SLC38A10: variants seen among roughly 807,000 people sequenced by gnomAD.
SLC38A10 encodes the protein solute carrier family 38 member 10.
A neutral mutation model predicts 81.0 loss-of-function variants in SLC38A10; 53 were observed. The ratio of observed to expected loss-of-function variants is 0.65; its 90% CI spans 0.53 to 0.82. SLC38A10 has a LOEUF of 0.82. Ranked by LOEUF, SLC38A10 falls within the 40% of genes least tolerant of loss-of-function variation. The probability of loss-of-function intolerance (pLI) is 0.00; values close to 1 mark genes in which losing one functional copy is unlikely to be tolerated. For synonymous variants in SLC38A10, 665 were observed against 655.3 expected, an observed-to-expected ratio of 1.01 and a Z score of -0.23; for missense variants, 1,471 against 1,545.0, an observed-to-expected ratio of 0.95 and a Z score of 0.80.
intron 6 of SLC38A10, 119 bp downstream of exon 6, chr17:81,280,490 T>A: frequency 6.9e-7 from 1 of 1,449,782 alleles, no homozygotes; most frequent in South Asian, 1.4e-5. Context: ...GAACAAGACA[T>A]CACTCTTTAG....
At position 81,246,400 on chromosome 17, in the gene SLC38A10, T is replaced by A. The variant is rs1237427551; in HGVS notation, c.2516A>T (p.Asp839Val). 1 of 1,600,676 alleles carries A rather than the reference T, an allele frequency of 6.2e-7. No individual in the cohort carries two copies. Among genetic ancestry groups the A allele is most frequent in the South Asian group, 1.1e-5 (1 of 90,326 alleles). Residue 839 changes from aspartate (D) to valine (V), a missense_variant, in exon 16 of 16, where the codon GAT becomes GTT. Physicochemically the swap from Asp to Val is radical, Grantham distance 152 (BLOSUM62 -3). Transcript: ENST00000374759. ...AGTGCCAGCTGCCCTGGGGGCGGCA[T>A]CCTTCTGGCCATCTCTCAGCTTGGC... ...AQAKLRDGQKDAAPRAAGTVK... is the reference protein window; with the variant it reads ...AQAKLRDGQKVAAPRAAGTVK...
intron 11 of SLC38A10, among the ~76,000 whole-genome samples, chr17:81,257,614 G>A (rs1439376954): frequency 6.6e-6 from 1 of 152,216 alleles, no homozygotes; most frequent in Non-Finnish European, 1.5e-5. Context: ...TCCACGCATG[G>A]GGGCTGTGTG....
intron 10 of SLC38A10, among the ~76,000 whole-genome samples, chr17:81,261,548 C>T (rs774516747): frequency 6.6e-6 from 1 of 152,230 alleles, no homozygotes; most frequent in Non-Finnish European, 1.5e-5. Context: ...CTCCCTGGTC[C>T]AATACAATTA....
intron 11 of SLC38A10, among the ~76,000 whole-genome samples, chr17:81,259,944 C>A (rs1471968726): frequency 2.0e-5 from 3 of 152,222 alleles, no homozygotes; most frequent in South Asian, 4.1e-4. Flanking sequence ...GAAACGTACA[C>A]CCCACCTAGC....
At chr17:81,252,074 A>G in intron 13 of SLC38A10, 121 bp downstream of exon 13, 1 of 1,372,276 alleles carries the variant, frequency 7.3e-7, no homozygotes, top group Non-Finnish European at 9.7e-7. Context: ...TTTGCATGCT[A>G]ATCTGGTGCA....
rs559503493 is a variant in SLC38A10 at position 81,277,558 on chromosome 17, T to C, written c.627-425A>G. On this transcript the variant is annotated intron_variant, in intron 6 of 15. Coordinates refer to ENST00000374759, the MANE Select transcript of SLC38A10 (RefSeq NM_001037984.3). This position sits in a 1 kb window ranked among gnomAD's most constrained non-coding sequence, Gnocchi z 4.5. ...ATCTCGGCGCCTCCATCTCGGCGCCTCCGCACAGGCATGATCAGAGTCGGC... is the reference window on the plus strand; with the variant it reads ...ATCTCGGCGCCTCCATCTCGGCGCCCCCGCACAGGCATGATCAGAGTCGGC... Among the ~76,000 whole-genome samples, 1 of 152,298 alleles carries C rather than the reference T, an allele frequency of 6.6e-6. No individual in the cohort carries two copies. Among genetic ancestry groups the C allele is most frequent in the African/African-American group, 2.4e-5 (1 of 41,568 alleles).
chr17:81,267,775 C>G (rs1345586947), intron 10 of SLC38A10, among the ~76,000 whole-genome samples: 1 of 152,050 alleles, frequency 6.6e-6, no homozygotes, highest in Non-Finnish European at 1.5e-5. Context: ...GTAAACAGCT[C>G]TGTCAGCTCA....
rs1406405137 is a variant in SLC38A10 at position 81,295,069 on chromosome 17, T to A, written c.-148A>T. 3.1e-6 allele frequency: 4 copies of A among 1,274,816 alleles called. No individual in the cohort carries two copies. The highest frequency in any genetic ancestry group is 4.0e-6 in the Non-Finnish European group (4 of 1,005,724). The allele number at this position is 1,274,816 out of a possible 1,614,324, so 79.0% of individuals were successfully genotyped here. On this transcript the variant is annotated 5_prime_UTR_variant, in exon 1 of 16. Coordinates refer to ENST00000374759, the MANE Select transcript of SLC38A10 (RefSeq NM_001037984.3). ...GATGGGCAGCCTGAACACGGGAGCC[T>A]GAGCAGGCGCGGGCGCGGGCCCCAG...
chr17:81,279,257 T>C (rs1165678052), intron 6 of SLC38A10, among the ~76,000 whole-genome samples: 3 of 152,210 alleles, frequency 2.0e-5, no homozygotes, highest in Admixed American at 1.3e-4. Context: ...ACAACCATTC[T>C]GCATAACCAG....
chr17:81,295,119 G>C lies in SLC38A10; in HGVS notation c.-198C>G, dbSNP rs1312491212. 27 of 977,990 alleles carry C rather than the reference G, an allele frequency of 2.8e-5. No individual in the cohort carries two copies. The highest frequency in any genetic ancestry group is 3.4e-5 in the Non-Finnish European group (26 of 766,166). 60.6% of individuals were successfully genotyped at this position (977,990 alleles called of 1,614,324 possible). A position where few individuals can be genotyped will look rare whatever the true frequency, so the allele number is the denominator to read the frequency against. On this transcript the variant is annotated 5_prime_UTR_variant, in exon 1 of 16. Transcript: ENST00000374759. ...GAGGCTGCCTGGAGGAGGCAGCCTC[G>C]AAGGCCGGCTGCGGGGGCGAGGTCA...
chr17:81,280,171 G>A, intron 6 of SLC38A10: 1 of 453,906 alleles, frequency 2.2e-6, no homozygotes, highest in Non-Finnish European at 4.5e-6. Context: ...CTGCGTGCCA[G>A]AGAGAAAGCA....
At chr17:81,279,520 G>C (rs565050718) in intron 6 of SLC38A10, among the ~76,000 whole-genome samples, 1 of 152,340 alleles carries the variant, frequency 6.6e-6, no homozygotes, top group Non-Finnish European at 1.5e-5. Flanking sequence ...AGCACAAGGA[G>C]GGATGTCCCT....
At chr17:81,259,243 C>T in intron 11 of SLC38A10, among the ~76,000 whole-genome samples, 1 of 152,170 alleles carries the variant, frequency 6.6e-6, no homozygotes, top group Non-Finnish European at 1.5e-5. Flanking sequence ...CCAGCACCTC[C>T]ATAGCCGCCT....
At chr17:81,256,356 C>T (rs561468880) in intron 11 of SLC38A10, among the ~76,000 whole-genome samples, 13 of 152,350 alleles carry the variant, frequency 8.5e-5, no homozygotes, top group East Asian at 3.9e-4. Flanking sequence ...TCAAGGCTGG[C>T]GTCCACCCCA....
rs1400011494 is a variant in SLC38A10 at position 81,277,552 on chromosome 17, G to A, written c.627-419C>T. ...CGGCCCATCTCGGCGCCTCCATCTC[G>A]GCGCCTCCGCACAGGCATGATCAGA... On this transcript the variant is annotated intron_variant, in intron 6 of 15. Transcript: ENST00000374759. The surrounding 1 kb of genome is among the most constrained non-coding windows in gnomAD (Gnocchi z 4.5). Among the ~76,000 whole-genome samples, 2 of 152,242 alleles carry A rather than the reference G, an allele frequency of 1.3e-5. No homozygotes were observed. Among genetic ancestry groups the A allele is most frequent in the Admixed American group, 1.3e-4 (2 of 15,286 alleles).
At chr17:81,280,521 C>A in intron 6 of SLC38A10, 88 bp downstream of exon 6, 1 of 1,561,752 alleles carries the variant, frequency 6.4e-7, no homozygotes, top group Admixed American at 1.8e-5. Context: ...AGAGCGATCA[C>A]AGTAAACGAG....
intron 1 of SLC38A10, among the ~76,000 whole-genome samples, chr17:81,294,526 T>C (rs1484013481): frequency 6.6e-6 from 1 of 152,224 alleles, no homozygotes; most frequent in Non-Finnish European, 1.5e-5. Context: ...CACCGTTCCC[T>C]TCCGATTCTG....
In SLC38A10 at chr17:81,246,437, G is replaced by A. The variant is rs201150575; in HGVS notation, c.2479C>T (p.Arg827Trp). 290 of 1,595,400 alleles carry A rather than the reference G, an allele frequency of 1.8e-4. No individual in the cohort carries two copies. Among genetic ancestry groups the A allele is most frequent in the Non-Finnish European group, 2.3e-4 (270 of 1,171,552 alleles). ...TCTCTCAGCTTGGCCTGGGCTGCCC[G>A]AGGCTCTGTGTCAGGGCCGCCGTCA... ...PPDGGPDTEP[R>W]AAQAKLRDGQ... The change falls in exon 16 of 16, where the codon CGG (arginine) becomes TGG (tryptophan). Residue 827 changes from arginine to tryptophan, a missense_variant. Around this residue, in one of 2 missense-constraint regions of SLC38A10, gnomAD observed 751 missense variants for 717.4 expected, o/e 1.05. Coordinates refer to ENST00000374759, the MANE Select transcript of SLC38A10 (RefSeq NM_001037984.3).
intron 5 of SLC38A10, 27 bp from the exon 6 acceptor site, chr17:81,280,760 G>GGGGCAGGTCAGGACGC (rs1434531674): frequency 6.3e-7 from 1 of 1,598,656 alleles, no homozygotes; most frequent in Middle Eastern, 1.8e-4. Context: ...GAGAGAGCAC[G>GGGGCAGGTCAGGACGC]GGGCAGGTCA....
Sources: gnomAD v4.1 joint callset for allele counts (sites outside exome capture counted in the v4.1 genomes callset) on GRCh38, gnomAD v4.1.1 for gene constraint, gnomAD v4.1.1 regional missense constraint, Gnocchi (gnomAD v3.1) non-coding constraint, MANE v1.5 for transcripts, NCBI Gene and HGNC (gene_info 2026-07-23, HGNC 2026-07-21) for gene names.